Variants in DENND4C observed in about 807,000 individuals in gnomAD.
The protein encoded by DENND4C is DENN domain containing 4C.
In DENND4C, 108 loss-of-function variants were observed where a neutral mutation model predicts 203.0. The ratio of observed to expected loss-of-function variants is 0.53; its 90% CI spans 0.46 to 0.62. The LOEUF is 0.62. DENND4C is among the 20% of genes least tolerant of loss of function. The pLI, the probability that DENND4C is intolerant of heterozygous loss-of-function variation, is 0.00. For synonymous variants in DENND4C, 871 were observed against 792.4 expected, an observed-to-expected ratio of 1.10 and a Z score of -1.67; for missense variants, 2,481 against 2,301.2, an observed-to-expected ratio of 1.08 and a Z score of -1.60.
chr9:19,293,250 G>C (rs1836739265), intron 5 of DENND4C, among the ~76,000 whole-genome samples: 2 of 152,164 alleles, frequency 1.3e-5, no homozygotes, highest in African/African-American at 4.8e-5. Context: ...CTTTTTCATT[G>C]TTTAGGGGAT....
intron 4 of DENND4C, among the ~76,000 whole-genome samples, chr9:19,289,383 A>C (rs1428595277): frequency 6.6e-6 from 1 of 152,210 alleles, no homozygotes; most frequent in Non-Finnish European, 1.5e-5. Flanking sequence ...CAGTTCTTGA[A>C]ATAAAGTTTT....
At chr9:19,314,517 A>G (rs1355404774) in intron 10 of DENND4C, among the ~76,000 whole-genome samples, 1 of 152,188 alleles carries the variant, frequency 6.6e-6, no homozygotes, top group South Asian at 2.1e-4. Context: ...CCACTAAAGA[A>G]CTAATTCATG....
chr9:19,350,117 A>G (rs1007851058), intron 23 of DENND4C, among the ~76,000 whole-genome samples: 5 of 152,218 alleles, frequency 3.3e-5, no homozygotes, highest in Admixed American at 2.0e-4. Context: ...ACAATCACCT[A>G]TGTAGTTAAG....
chr9:19,318,249 A>G (rs1252710231), intron 12 of DENND4C, among the ~76,000 whole-genome samples: 4 of 152,072 alleles, frequency 2.6e-5, no homozygotes, highest in African/African-American at 7.2e-5. Context: ...AACTCGGGAG[A>G]TGGAGGTTGC....
chr9:19,291,698 C>T (rs1470202937), intron 5 of DENND4C, among the ~76,000 whole-genome samples: 2 of 79,660 alleles, frequency 2.5e-5, no homozygotes, highest in Admixed American at 1.5e-4. Context: ...GAGCGATACT[C>T]TTTCTAAAAA....
chr9:19,234,709 CTT>C (rs1251340872), intron 1 of DENND4C, among the ~76,000 whole-genome samples: 2 of 151,758 alleles, frequency 1.3e-5, no homozygotes, highest in African/African-American at 4.8e-5. Context: ...ACTTCACTAA[CTT>C]TTTGTATTTT....
intron 3 of DENND4C, 115 bp from the exon 4 acceptor site, chr9:19,288,480 TA>T: frequency 1.9e-6 from 1 of 523,798 alleles, no homozygotes; most frequent in Non-Finnish European, 2.9e-6. Context: ...GTTCATTATA[TA>T]AACGTTTTAA....
intron 9 of DENND4C, among the ~76,000 whole-genome samples, chr9:19,304,661 C>T (rs998592916): frequency 2.2e-4 from 33 of 151,708 alleles, no homozygotes; most frequent in African/African-American, 7.0e-4. Context: ...CTCAGCCTCC[C>T]GAGTAGCTGG....
chr9:19,328,237 A>G (rs746561687), intron 16 of DENND4C, 75 bp downstream of exon 16: 25 of 1,356,338 alleles, frequency 1.8e-5, no homozygotes, highest in Admixed American at 2.4e-5. Context: ...CTCATAGTTT[A>G]GAATGATCAC....
intron 3 of DENND4C, among the ~76,000 whole-genome samples, chr9:19,288,166 A>G (rs1835588878): frequency 6.6e-6 from 1 of 152,246 alleles, no homozygotes. Context: ...GGTCAAACTA[A>G]TATTAGCTTA....
chr9:19,262,444 A>T (rs906399370), intron 1 of DENND4C, among the ~76,000 whole-genome samples: 2 of 121,444 alleles, frequency 1.6e-5, no homozygotes, highest in African/African-American at 6.7e-5. Context: ...CAAATATATC[A>T]TATCTTTTTT....
chr9:19,242,407 A>G (rs1240945870), intron 1 of DENND4C, among the ~76,000 whole-genome samples: 1 of 152,194 alleles, frequency 6.6e-6, no homozygotes, highest in African/African-American at 2.4e-5. Context: ...TGTAACTATA[A>G]GTTTTTAAAT....
At chr9:19,246,087 A>T (rs1339472981) in intron 1 of DENND4C, among the ~76,000 whole-genome samples, 1 of 152,068 alleles carries the variant, frequency 6.6e-6, no homozygotes, top group Non-Finnish European at 1.5e-5. Context: ...TAACTTATCC[A>T]ATTATATTGA....
chr9:19,347,050 A>G lies in DENND4C; in HGVS notation c.4281A>G (p.Val1427=), dbSNP rs768975276. 3.1e-5 allele frequency: 50 copies of G among 1,613,968 alleles called. No individual in the cohort carries two copies. Among genetic ancestry groups the G allele is most frequent in the Non-Finnish European group, 4.2e-5 (50 of 1,180,014 alleles). Residue 1427 remains valine (V), a synonymous_variant, in exon 23 of 33, where the codon GTA becomes GTG. Transcript: ENST00000434457. ...QAATVASKMW[V]AVASAYSYSD... ...CGACAGTAGCCAGTAAGATGTGGGT[A>G]GCTGTTGCGTCTGCCTACAGCTACT...
chr9:19,275,722 C>G (rs1832774562), intron 1 of DENND4C, among the ~76,000 whole-genome samples: 1 of 151,946 alleles, frequency 6.6e-6, no homozygotes, highest in Non-Finnish European at 1.5e-5. Context: ...CCACCCACCT[C>G]CACCTCCCAT....
intron 17 of DENND4C, among the ~76,000 whole-genome samples, chr9:19,333,300 G>A (rs555500362): frequency 1.5e-4 from 23 of 152,000 alleles, no homozygotes; most frequent in Admixed American, 3.9e-4. Context: ...ATAAATATGA[G>A]CCACTGCACC....
intron 13 of DENND4C, among the ~76,000 whole-genome samples, chr9:19,324,758 T>C (rs972344784): frequency 6.6e-6 from 1 of 152,230 alleles, no homozygotes; most frequent in South Asian, 2.1e-4. Context: ...CTCATTCTGT[T>C]ACCCAGGCTA....
At chr9:19,258,564 A>G (rs1349675428) in intron 1 of DENND4C, among the ~76,000 whole-genome samples, 3 of 152,170 alleles carry the variant, frequency 2.0e-5, no homozygotes. Context: ...GTAATTTACC[A>G]TATTAACAAA....
At position 19,332,319 on chromosome 9, in the gene DENND4C, A is replaced by G. The variant is rs557559898; in HGVS notation, c.2460+135A>G. The G allele has an allele frequency of 9.0e-5, 60 of 666,640 alleles. No individual in the cohort carries two copies. In the African/African-American group the frequency reaches 9.3e-4, roughly 10 times the overall value. 41.3% of individuals were successfully genotyped at this position (666,640 alleles called of 1,614,324 possible). On this transcript the variant is annotated intron_variant, in intron 17 of 32. Transcript: ENST00000434457. ...GGAAAGGTAAAACTATTACTGTTTCATGGAGCTGGTGCATATTACTTGTTT... is the reference window on the plus strand; with the variant it reads ...GGAAAGGTAAAACTATTACTGTTTCGTGGAGCTGGTGCATATTACTTGTTT...
Sources: allele counts gnomAD v4.1 joint callset (sites outside exome capture counted in the v4.1 genomes callset), GRCh38; gene constraint gnomAD v4.1.1; transcripts MANE v1.5; gene names NCBI Gene and HGNC (gene_info 2026-07-23, HGNC 2026-07-21).